Variants in CNTNAP2 observed in about 807,000 individuals in gnomAD.
The protein encoded by CNTNAP2 is contactin-associated protein-like 2.
Under a neutral mutation model 155.2 loss-of-function variants are expected in CNTNAP2, and 98 were observed. The ratio of observed to expected loss-of-function variants is 0.63; its 90% confidence interval spans 0.54 to 0.75. CNTNAP2 has a LOEUF of 0.75. Ranked by LOEUF, CNTNAP2 falls within the 30% of genes least tolerant of loss-of-function variation. CNTNAP2 has a pLI of 0.00. For synonymous variants in CNTNAP2, 651 were observed against 631.2 expected (o/e 1.03, Z -0.47); for missense variants, 1,727 against 1,688.1 (o/e 1.02, Z -0.40).
intron 10 of CNTNAP2, among the ~76,000 whole-genome samples, chr7:147,404,950 T>A (rs1244357170): frequency 6.6e-6 from 1 of 152,154 alleles, no homozygotes; most frequent in East Asian, 1.9e-4. Flanking sequence ...ATAACTCTCC[T>A]AAGAAATAAA....
chr7:147,817,317 A>G (rs1056090532), intron 13 of CNTNAP2, among the ~76,000 whole-genome samples: 7 of 152,232 alleles, frequency 4.6e-5, no homozygotes, highest in Non-Finnish European at 1.0e-4. Flanking sequence ...AAATTTTAGT[A>G]TGCACTAGAC....
At chr7:147,296,790 G>A (rs761967283) in intron 8 of CNTNAP2, among the ~76,000 whole-genome samples, 5 of 152,242 alleles carry the variant, frequency 3.3e-5, no homozygotes, top group African/African-American at 1.2e-4. Context: ...CCACAAAAAG[G>A]TTCTTTAATA....
chr7:146,730,922 C>T lies in CNTNAP2; in HGVS notation c.98-43349C>T, dbSNP rs117914590. 4.4e-4 allele frequency among the ~76,000 whole-genome samples: 67 copies of T among 152,216 alleles called. No homozygotes were observed. The East Asian group carries it at 0.013, about 29-fold the overall frequency. The stretch of plus-strand genomic sequence containing the variant: ...TTTATATGAATGCAACATCAGCTTC[C>T]ATTTTCAAAGGAACCTTCTATCCAC... On this transcript the variant is annotated intron_variant, in intron 1 of 23. Coordinates refer to ENST00000361727, the MANE Select transcript of CNTNAP2 (RefSeq NM_014141.6).
chr7:147,871,052 G>A (rs904427154), intron 13 of CNTNAP2, among the ~76,000 whole-genome samples: 7 of 151,978 alleles, frequency 4.6e-5, no homozygotes, highest in African/African-American at 7.3e-5. Context: ...ATGGCCCCTC[G>A]GTCACCCATG....
intron 12 of CNTNAP2, among the ~76,000 whole-genome samples, chr7:147,597,128 AT>A (rs1279450680): frequency 2.0e-5 from 3 of 152,118 alleles, no homozygotes; most frequent in Non-Finnish European, 2.9e-5. Context: ...TGGAGTAGCC[AT>A]TTTTTTATGC....
chr7:147,333,855 C>A (rs1026157123), intron 9 of CNTNAP2, among the ~76,000 whole-genome samples: 1 of 152,050 alleles, frequency 6.6e-6, no homozygotes, highest in Non-Finnish European at 1.5e-5. Flanking sequence ...AGAGTATAGG[C>A]ATAACTGTTA....
chr7:146,148,859 A>G (rs1250348057), intron 1 of CNTNAP2, among the ~76,000 whole-genome samples: 3 of 152,126 alleles, frequency 2.0e-5, no homozygotes, highest in African/African-American at 7.2e-5. Flanking sequence ...GGCACTCAAA[A>G]TTGTGTCCAT....
At chr7:148,166,549 C>T (rs1174204603) in intron 17 of CNTNAP2, among the ~76,000 whole-genome samples, 30 of 151,634 alleles carry the variant, frequency 2.0e-4, no homozygotes, top group Non-Finnish European at 4.1e-4. Context: ...ATTTAATAGC[C>T]GATTATTTTG....
At chr7:147,211,854 A>G (rs1303650390) in intron 8 of CNTNAP2, among the ~76,000 whole-genome samples, 1 of 152,144 alleles carries the variant, frequency 6.6e-6, no homozygotes, top group Non-Finnish European at 1.5e-5. Context: ...AACTGTTAAC[A>G]AAGTAAACAC....
intron 1 of CNTNAP2, among the ~76,000 whole-genome samples, chr7:146,421,422 T>A (rs950700581): frequency 1.3e-5 from 2 of 152,038 alleles, no homozygotes; most frequent in Non-Finnish European, 2.9e-5. Flanking sequence ...TTAGTTAGAA[T>A]AATATTAATG....
At chr7:147,210,713 G>C (rs1404750645) in intron 8 of CNTNAP2, among the ~76,000 whole-genome samples, 1 of 151,784 alleles carries the variant, frequency 6.6e-6, no homozygotes, top group Non-Finnish European at 1.5e-5. Context: ...CTAATTTTTT[G>C]AGGTAAGTTT....
At chr7:147,786,052 A>C (rs1475443848) in intron 13 of CNTNAP2, among the ~76,000 whole-genome samples, 1 of 151,868 alleles carries the variant, frequency 6.6e-6, no homozygotes, top group East Asian at 1.9e-4. Context: ...CACACTTTGG[A>C]AGGCTGAGGC....
intron 3 of CNTNAP2, among the ~76,000 whole-genome samples, chr7:146,921,976 G>A (rs547784603): frequency 2.8e-4 from 42 of 152,190 alleles, no homozygotes; most frequent in Middle Eastern, 3.4e-3. Flanking sequence ...AAAAACATCC[G>A]TTGAATATAA....
chr7:148,409,686 G>C (rs1477662121), intron 23 of CNTNAP2, among the ~76,000 whole-genome samples: 2 of 151,678 alleles, frequency 1.3e-5, no homozygotes, highest in East Asian at 3.9e-4. Flanking sequence ...GGAGGCCGAG[G>C]TGGGCAGATC....
chr7:146,878,759 C>T (rs1287563869), intron 3 of CNTNAP2, among the ~76,000 whole-genome samples: 2 of 152,050 alleles, frequency 1.3e-5, no homozygotes, highest in Non-Finnish European at 2.9e-5. Flanking sequence ...TTTTCCTTGC[C>T]TCCTGACCTT....
chr7:146,821,230 T>G (rs562486625), intron 2 of CNTNAP2, among the ~76,000 whole-genome samples: 1 of 152,054 alleles, frequency 6.6e-6, no homozygotes, highest in East Asian at 1.9e-4. Context: ...GTTATTTTGC[T>G]CGTTAGTTGA....
At chr7:146,367,226 C>T (rs750328425) in intron 1 of CNTNAP2, among the ~76,000 whole-genome samples, 6 of 152,132 alleles carry the variant, frequency 3.9e-5, no homozygotes, top group Non-Finnish European at 5.9e-5. Context: ...GCTTTATACA[C>T]ATCGCCTAAT....
intron 8 of CNTNAP2, among the ~76,000 whole-genome samples, chr7:147,242,963 G>A (rs1803972854): frequency 1.0e-5 from 1 of 99,834 alleles, no homozygotes; most frequent in Admixed American, 1.1e-4. Context: ...AGTATTGAAT[G>A]TTGTATTCCA....
intron 14 of CNTNAP2, among the ~76,000 whole-genome samples, chr7:147,910,607 C>A (rs1800045351): frequency 6.6e-6 from 1 of 152,108 alleles, no homozygotes; most frequent in Non-Finnish European, 1.5e-5. Flanking sequence ...CTCACAGTTC[C>A]ACATGGATGG....
Sources: gnomAD v4.1 joint callset for allele counts (sites outside exome capture counted in the v4.1 genomes callset) on GRCh38, gnomAD v4.1.1 for gene constraint, MANE v1.5 for transcripts, NCBI Gene and HGNC (gene_info 2026-07-23, HGNC 2026-07-21) for gene names.